IFT122: variants seen among roughly 807,000 people sequenced by gnomAD.
The protein encoded by IFT122 is intraflagellar transport 122, also known as intraflagellar transport protein 122 homolog.
Under a neutral mutation model 161.6 loss-of-function variants are expected in IFT122, and 118 were observed. The observed-to-expected ratio is 0.73, with a 90% CI of 0.63 to 0.85. The LOEUF is 0.85. Ranked by LOEUF, IFT122 falls within the 40% of genes least tolerant of loss-of-function variation. IFT122 has a pLI of 0.00. For missense variants in IFT122, 1,381 were observed against 1,579.6 expected (o/e 0.87, Z 2.13); for synonymous variants, 550 against 602.4 (o/e 0.91, Z 1.27).
intron 9 of IFT122, among the ~76,000 whole-genome samples, chr3:129,470,760 G>C (rs1577499202): frequency 6.6e-6 from 1 of 151,786 alleles, no homozygotes; most frequent in African/African-American, 2.4e-5. Context: ...AGTAGAGACG[G>C]GGTTTCTCCA....
chr3:129,459,026 T>C (rs2075854234), intron 4 of IFT122, among the ~76,000 whole-genome samples: 1 of 152,136 alleles, frequency 6.6e-6, no homozygotes, highest in Non-Finnish European at 1.5e-5. Context: ...AAACTTGGGG[T>C]CAGTGTGCTC....
At chr3:129,460,815 C>A in intron 4 of IFT122, 2 of 1,550,898 alleles carry the variant, frequency 1.3e-6, no homozygotes, top group South Asian at 1.1e-5. Flanking sequence ...ATGATTTGCT[C>A]AGCTTTCATT....
At chr3:129,477,409 C>A (rs2078086185) in intron 11 of IFT122, among the ~76,000 whole-genome samples, 1 of 152,226 alleles carries the variant, frequency 6.6e-6, no homozygotes, top group African/African-American at 2.4e-5. Flanking sequence ...ATGTGCTGGC[C>A]TTAGTGCACT....
intron 28 of IFT122, 107 bp downstream of exon 28, chr3:129,519,293 C>A (rs1312177032): frequency 8.8e-7 from 1 of 1,138,420 alleles, no homozygotes; most frequent in African/African-American, 1.5e-5. Context: ...TTGGCCAGAA[C>A]TTCCAGATGT....
chr3:129,508,960 C>A (rs2082481298), intron 23 of IFT122, among the ~76,000 whole-genome samples: 1 of 152,200 alleles, frequency 6.6e-6, no homozygotes, highest in African/African-American at 2.4e-5. Context: ...CAAATGTAAT[C>A]ATTTCACCAG....
chr3:129,481,354 A>C, intron 13 of IFT122, 176 bp from the exon 14 acceptor site: 10 of 629,014 alleles, frequency 1.6e-5, no homozygotes, highest in Non-Finnish European at 2.1e-5. Flanking sequence ...TCCTAAGGAT[A>C]AGCCATTGCC....
intron 5 of IFT122, 72 bp from the exon 6 acceptor site, chr3:129,463,488 T>C: frequency 8.3e-7 from 1 of 1,205,938 alleles, no homozygotes; most frequent in South Asian, 1.2e-5. Context: ...TATGTTTCAA[T>C]TATTTGTTCC....
chr3:129,495,785 C>G (rs1430199968), intron 18 of IFT122, among the ~76,000 whole-genome samples, 178 bp downstream of exon 18: 1 of 152,182 alleles, frequency 6.6e-6, no homozygotes, highest in African/African-American at 2.4e-5. Context: ...TGAAACTCAC[C>G]TAAAACTGAC....
chr3:129,478,543 C>T (rs781426818), intron 12 of IFT122, among the ~76,000 whole-genome samples: 69 of 152,152 alleles, frequency 4.5e-4, no homozygotes, highest in Non-Finnish European at 8.4e-4. Context: ...CAGCTTTGAC[C>T]TCCCAAGCTC....
Position 129,451,943 on chromosome 3 carries a change from T to C in IFT122, c.138T>C (p.Leu46=). ...LVYDTSDGTL[L]QPLKGHKDTV... ...ATGACACCTCTGATGGCACCTTACT[T>C]CAGCCCCTCAAGGGACACAAAGACA... Residue 46 remains leucine (L), a synonymous_variant, in exon 3 of 30, where the codon CTT becomes CTC. Transcript: ENST00000348417. 1 of 1,614,118 alleles carries C rather than the reference T, an allele frequency of 6.2e-7. No homozygotes were observed. The highest frequency in any genetic ancestry group is 8.5e-7 in the Non-Finnish European group (1 of 1,179,948).
intron 11 of IFT122, among the ~76,000 whole-genome samples, chr3:129,477,699 C>A (rs1267796799): frequency 6.6e-6 from 1 of 152,202 alleles, no homozygotes; most frequent in Non-Finnish European, 1.5e-5. Context: ...GTTACTTAGG[C>A]AGGCTTCTGA....
In IFT122 at chr3:129,517,268, G is replaced by GCACACACACA. The variant is rs777108020; in HGVS notation, c.3266-176_3266-167dup. On this transcript the variant is annotated intron_variant, in intron 26 of 29. Transcript: ENST00000348417. Reference sequence around the variant, plus strand: ...CCCTGCACACACACACATTGCTCCTGCACACACACACACACACACACACAC... The same window carrying GCACACACACA: ...CCCTGCACACACACACATTGCTCCTGCACACACACACACACACACACACACACACACACAC... Among the ~76,000 whole-genome samples, 76 of 117,120 alleles carry GCACACACACA rather than the reference G, an allele frequency of 6.5e-4. 1 individual carries two copies. The highest frequency in any genetic ancestry group is 1.7e-3 in the African/African-American group (54 of 30,978). 76.8% of individuals were successfully genotyped at this position (117,120 alleles called of 152,430 possible).
chr3:129,445,905 A>G (rs1262855789), intron 1 of IFT122, among the ~76,000 whole-genome samples: 1 of 152,238 alleles, frequency 6.6e-6, no homozygotes, highest in Non-Finnish European at 1.5e-5. Context: ...CAAAAGCTTG[A>G]TTTTTAGATT....
intron 15 of IFT122, chr3:129,487,359 A>G (rs1467245081): frequency 1.3e-5 from 2 of 150,894 alleles, no homozygotes; most frequent in South Asian, 2.1e-4. Flanking sequence ...ACCTCTGGCT[A>G]TTGCCAGCTA....
rs1478529213 is a variant in IFT122, at chr3:129,514,512, G to A, written c.3111G>A (p.Leu1037=). 1.9e-6 allele frequency: 3 copies of A among 1,614,108 alleles called. No individual in the cohort carries two copies. Among genetic ancestry groups the A allele is most frequent in the Non-Finnish European group, 2.5e-6 (3 of 1,180,050 alleles). ...IPARFQKSIE[L]GTLTIRAKPF... is the part of the protein sequence containing the mutation. ...CCAGATTCCAAAAGTCCATTGAGCT[G>A]GGTACCCTGACCATCCGCGCCAAGC... is the stretch of plus-strand genomic sequence containing the variant. Residue 1037 remains leucine, a synonymous_variant, in exon 25 of 30, where the codon CTG becomes CTA. Transcript: ENST00000348417.
intron 14 of IFT122, 128 bp from the exon 15 acceptor site, chr3:129,483,357 T>C: frequency 1.2e-6 from 1 of 812,000 alleles, no homozygotes; most frequent in Non-Finnish European, 2.2e-6. Context: ...CTTTCATCCT[T>C]TTCCCTCCAT....
intron 8 of IFT122, among the ~76,000 whole-genome samples, chr3:129,468,555 G>A (rs2077041276): frequency 2.0e-5 from 3 of 152,300 alleles, no homozygotes; most frequent in African/African-American, 4.8e-5. Context: ...TGTTGGCCAG[G>A]CTGGTCTAGA....
intron 18 of IFT122, among the ~76,000 whole-genome samples, chr3:129,498,020 A>G (rs2108504435): frequency 6.6e-6 from 1 of 152,364 alleles, no homozygotes; most frequent in South Asian, 2.1e-4. Flanking sequence ...GCATGAGAAC[A>G]CTGTTTAGTC....
chr3:129,519,740 G>A lies in IFT122; in HGVS notation c.3636+8G>A. Reference sequence around the variant, plus strand: ...TGCCCCTCCTGCTTCCAGGTAGGTGGCCACCCTGGTAGCTCACATGTGCTT... The same window carrying A: ...TGCCCCTCCTGCTTCCAGGTAGGTGACCACCCTGGTAGCTCACATGTGCTT... On this transcript the variant is annotated splice_region_variant and intron_variant, in intron 29 of 29. Coordinates refer to ENST00000348417, the MANE Select transcript of IFT122 (RefSeq NM_052989.3). 2 of 1,613,270 alleles carry A rather than the reference G, an allele frequency of 1.2e-6. No homozygotes were observed. Among genetic ancestry groups the A allele is most frequent in the Non-Finnish European group, 1.7e-6 (2 of 1,180,008 alleles).
Sources: allele counts gnomAD v4.1 joint callset (sites outside exome capture counted in the v4.1 genomes callset), GRCh38; gene constraint gnomAD v4.1.1; transcripts MANE v1.5; gene names NCBI Gene and HGNC (gene_info 2026-07-23, HGNC 2026-07-21).